ANO4: variants seen among roughly 807,000 people sequenced by gnomAD.
The protein encoded by ANO4 is anoctamin 4, also known as anoctamin-4.
ANO4 carries 69 observed loss-of-function variants against 141.9 expected under a neutral mutation model. The ratio of observed to expected loss-of-function variants is 0.49; its 90% confidence interval spans 0.40 to 0.59. The LOEUF (loss-of-function observed/expected upper bound fraction) is 0.59, where lower values mean the gene tolerates loss of function less well. ANO4 is among the 20% of genes least tolerant of loss of function. The pLI is 0.00. For missense variants in ANO4, 894 were observed against 1,162.2 expected, an observed-to-expected ratio of 0.77 and a Z score of 3.36; for synonymous variants, 350 against 394.3, an observed-to-expected ratio of 0.89 and a Z score of 1.33.
rs974911053 is a variant in ANO4, at chr12:100,884,240, A to G, written c.-140-17406A>G. Among the ~76,000 whole-genome samples the G allele has an allele frequency of 2.0e-5, 3 of 152,250 alleles. No individual in the cohort carries two copies. In the South Asian group the frequency reaches 6.2e-4, roughly 31 times the overall value. On this transcript the variant is annotated intron_variant, in intron 1 of 27. Transcript: ENST00000392977. ...TAGCATAGAACTGTAGTCAGTAAAT[A>G]ATTAGTGGCTTGCATTGTGAAGTTT...
rs147061280 is a variant in ANO4, at chr12:101,002,766, T to G, written c.734+15096T>G. ...CTGACTATTATATCACAGTTACTTG[T>G]TTTCATGACTGTGTTCTACACAAAG... On this transcript the variant is annotated intron_variant, in intron 8 of 27. Transcript: ENST00000392977. 5.8e-4 allele frequency among the ~76,000 whole-genome samples: 88 copies of G among 152,288 alleles called. 1 individual carries two copies. The highest frequency in any genetic ancestry group is 2.1e-3 in the African/African-American group (86 of 41,564).
chr12:101,096,035 TA>T (rs1318416295), intron 18 of ANO4, among the ~76,000 whole-genome samples: 1 of 152,078 alleles, frequency 6.6e-6, no homozygotes, highest in East Asian at 1.9e-4. Flanking sequence ...GGGATAAGGG[TA>T]AAAGCAAATG....
chr12:100,898,256 C>G (rs184953061), intron 1 of ANO4, among the ~76,000 whole-genome samples: 1 of 152,260 alleles, frequency 6.6e-6, no homozygotes, highest in Admixed American at 6.5e-5. Context: ...TATTGGCTGA[C>G]AATTCATTTC....
At chr12:101,002,038 GC>G (rs2045665806) in intron 8 of ANO4, among the ~76,000 whole-genome samples, 1 of 152,052 alleles carries the variant, frequency 6.6e-6, no homozygotes, top group Admixed American at 6.5e-5. Flanking sequence ...CTTCCTCGCT[GC>G]CCACCATCAC....
At position 101,104,611 on chromosome 12, in the gene ANO4, GTGTGTATGTATGTGTGTATATATATATA is replaced by G. The variant is rs1292675590; in HGVS notation, c.2149+4893_2149+4920del. Among the ~76,000 whole-genome samples, 8 of 77,916 alleles carry G rather than the reference GTGTGTATGTATGTGTGTATATATATATA, an allele frequency of 1.0e-4. No individual in the cohort carries two copies. In the South Asian group the frequency reaches 1.6e-3, roughly 16 times the overall value. The allele number at this position is 77,916 out of a possible 152,430, so 51.1% of individuals were successfully genotyped here. A position where few individuals can be genotyped will look rare whatever the true frequency, so the allele number is the denominator to read the frequency against. On this transcript the variant is annotated intron_variant, in intron 22 of 27. Coordinates refer to ENST00000392977, the MANE Select transcript of ANO4 (RefSeq NM_001286615.2). The stretch of plus-strand genomic sequence containing the variant: ...TATATATATGTGTGTGTGTGTGTGT[GTGTGTATGTATGTGTGTATATATATATA>G]TATATATATATATATATATATATAT...
intron 2 of ANO4, among the ~76,000 whole-genome samples, chr12:100,735,532 T>C (rs1050358152): frequency 1.3e-5 from 2 of 152,020 alleles, no homozygotes; most frequent in African/African-American, 4.8e-5. Context: ...AGGATGGAGT[T>C]CCTATGGGAG....
intron 24 of ANO4, among the ~76,000 whole-genome samples, chr12:101,114,565 C>T (rs536819912): frequency 6.6e-6 from 1 of 152,210 alleles, no homozygotes; most frequent in East Asian, 1.9e-4. Context: ...GCAGAACAAC[C>T]AATGGACAGT....
rs1606760 is a variant in ANO4, at chr12:100,771,594, C to T, written c.358+31489C>T. Reference sequence around the variant, plus strand: ...TGATGGAACCCTGAATAAAAGATTTCTGCAGTTTTATGGACCCAGGGGCTA... The same window carrying T: ...TGATGGAACCCTGAATAAAAGATTTTTGCAGTTTTATGGACCCAGGGGCTA... On this transcript the variant is annotated intron_variant, in intron 3 of 29. Transcript: ENST00000644049. Among the ~76,000 whole-genome samples, 1,208 of 152,210 alleles carry T rather than the reference C, an allele frequency of 7.9e-3. 17 individuals are homozygous for T. The highest frequency in any genetic ancestry group is 0.017 in the Middle Eastern group (5 of 294).
intron 1 of ANO4, among the ~76,000 whole-genome samples, chr12:100,901,403 A>G (rs995113677): frequency 6.6e-6 from 1 of 152,170 alleles, no homozygotes; most frequent in Non-Finnish European, 1.5e-5. Flanking sequence ...CATGTCAAAT[A>G]TGTGCACATT....
chr12:100,891,567 A>G (rs2040107726), intron 1 of ANO4, among the ~76,000 whole-genome samples: 1 of 152,174 alleles, frequency 6.6e-6, no homozygotes, highest in Admixed American at 6.6e-5. Flanking sequence ...TAATTACCCA[A>G]TGACATCTAC....
At chr12:100,972,448 T>C (rs2043972862) in intron 6 of ANO4, among the ~76,000 whole-genome samples, 1 of 152,234 alleles carries the variant, frequency 6.6e-6, no homozygotes, top group Non-Finnish European at 1.5e-5. Context: ...ATAGAGGCTA[T>C]GATTTCTAGC....
At chr12:100,928,849 A>G (rs1267658957) in intron 3 of ANO4, among the ~76,000 whole-genome samples, 1 of 152,172 alleles carries the variant, frequency 6.6e-6, no homozygotes, top group Non-Finnish European at 1.5e-5. Flanking sequence ...GCTAAATCAG[A>G]AACAAGTTAA....
chr12:100,873,040 C>T (rs2135932748), intron 1 of ANO4, among the ~76,000 whole-genome samples: 1 of 152,246 alleles, frequency 6.6e-6, no homozygotes, highest in Admixed American at 6.5e-5. Context: ...CCACATAAGA[C>T]CATGCCTGCT....
At chr12:100,766,167 A>G (rs928840766) in intron 3 of ANO4, among the ~76,000 whole-genome samples, 8 of 152,074 alleles carry the variant, frequency 5.3e-5, no homozygotes, top group Non-Finnish European at 1.5e-5. Flanking sequence ...TCTGTCCTCC[A>G]GGTTCATCCA....
chr12:101,037,570 G>A (rs773973922), intron 10 of ANO4, among the ~76,000 whole-genome samples: 9 of 152,124 alleles, frequency 5.9e-5, no homozygotes, highest in Non-Finnish European at 1.0e-4. Context: ...GGTAACCAAC[G>A]GGTGACAAAT....
At chr12:100,754,905 A>C (rs1363021356) in intron 3 of ANO4, among the ~76,000 whole-genome samples, 1 of 152,110 alleles carries the variant, frequency 6.6e-6, no homozygotes, top group Non-Finnish European at 1.5e-5. Context: ...TTGCCAGGGG[A>C]GGGGAGAATG....
intron 8 of ANO4, among the ~76,000 whole-genome samples, chr12:101,007,040 T>C (rs1306522756): frequency 6.6e-6 from 1 of 151,874 alleles, no homozygotes; most frequent in Admixed American, 6.6e-5. Flanking sequence ...ACCATGAGAG[T>C]CAGTAATCTT....
intron 8 of ANO4, among the ~76,000 whole-genome samples, chr12:101,015,575 G>A (rs182504903): frequency 4.6e-5 from 7 of 152,108 alleles, no homozygotes; most frequent in Non-Finnish European, 8.8e-5. Flanking sequence ...GAACATTGTT[G>A]TACATCTGTC....
intron 3 of ANO4, among the ~76,000 whole-genome samples, chr12:100,775,362 C>T (rs1246429336): frequency 6.6e-6 from 1 of 152,206 alleles, no homozygotes; most frequent in Non-Finnish European, 1.5e-5. Flanking sequence ...AACTGAGACC[C>T]TCTCGTCTAA....
Sources: allele counts gnomAD v4.1 joint callset (sites outside exome capture counted in the v4.1 genomes callset), GRCh38; gene constraint gnomAD v4.1.1; transcripts MANE v1.5; gene names NCBI Gene and HGNC (gene_info 2026-07-23, HGNC 2026-07-21).